Variants in KCNQ3 observed in about 807,000 individuals in gnomAD.
The protein encoded by KCNQ3 is potassium voltage-gated channel subfamily KQT member 3.
Under a neutral mutation model 92.5 loss-of-function variants are expected in KCNQ3, and 30 were observed. The observed-to-expected ratio is 0.32, with a 90% CI of 0.24 to 0.44. The LOEUF is 0.44. Among genes scored for constraint, KCNQ3 ranks in the 20% least tolerant of loss-of-function variants. The pLI, the probability that KCNQ3 is intolerant of heterozygous loss-of-function variation, is 1.00. For synonymous variants in KCNQ3, 450 were observed against 468.8 expected (o/e 0.96, Z 0.52); for missense variants, 913 against 1,140.3 (o/e 0.80, Z 2.87).
In KCNQ3 at chr8:132,219,890, CTT is replaced by C. The variant is rs1246654647; in HGVS notation, c.387-33711_387-33710del. Among the ~76,000 whole-genome samples the C allele has an allele frequency of 4.2e-3, 646 of 152,268 alleles. 3 individuals carry two copies. Among genetic ancestry groups the C allele is most frequent in the African/African-American group, 0.013 (557 of 41,560 alleles). Reference sequence around the variant, plus strand: ...TCCATCTGATCAATATACTCCATGTCTTCCATTTTACAGATGAGAAAAATGAG... The same window carrying C: ...TCCATCTGATCAATATACTCCATGTCCCATTTTACAGATGAGAAAAATGAG... On this transcript the variant is annotated intron_variant, in intron 1 of 14. Coordinates refer to ENST00000388996, the MANE Select transcript of KCNQ3 (RefSeq NM_004519.4).
intron 12 of KCNQ3, 71 bp from the exon 13 acceptor site, chr8:132,134,459 A>AGAGAGAATAGAATGAT: frequency 1.8e-6 from 2 of 1,097,698 alleles, no homozygotes; most frequent in Non-Finnish European, 2.8e-6. Flanking sequence ...AAATCATTCT[A>AGAGAGAATAGAATGAT]TTCTCTCTAG....
intron 1 of KCNQ3, among the ~76,000 whole-genome samples, chr8:132,476,737 ACT>A (rs1171450319): frequency 6.6e-6 from 1 of 152,184 alleles, no homozygotes; most frequent in African/African-American, 2.4e-5. Context: ...GAGACTTTGG[ACT>A]TAGACTTTTG....
intron 1 of KCNQ3, among the ~76,000 whole-genome samples, chr8:132,338,687 G>A (rs986876317): frequency 6.6e-6 from 1 of 152,298 alleles, no homozygotes. Context: ...TGTGCTCTCA[G>A]GAACACACCG....
chr8:132,178,702 G>A (rs909887610), intron 4 of KCNQ3, among the ~76,000 whole-genome samples: 3 of 151,958 alleles, frequency 2.0e-5, no homozygotes, highest in East Asian at 1.9e-4. Context: ...CCCCTTCAAC[G>A]TATCTAGGTG....
In KCNQ3 at chr8:132,480,642, C is replaced by A; in HGVS notation, c.-110G>T. On this transcript the variant is annotated 5_prime_UTR_variant, in exon 1 of 15. Transcript: ENST00000388996. Reference sequence around the variant, plus strand: ...GCGGCGGCTGCAAGCCCGGGAACTCCAATGCCATGATCCGCGCGCCCCTCC... The same window carrying A: ...GCGGCGGCTGCAAGCCCGGGAACTCAAATGCCATGATCCGCGCGCCCCTCC... 8.9e-7 allele frequency: 1 copy of A among 1,123,680 alleles called. No homozygotes were observed. Among genetic ancestry groups the A allele is most frequent in the Non-Finnish European group, 1.1e-6 (1 of 895,230 alleles). The allele number at this position is 1,123,680 out of a possible 1,614,324, so 69.6% of individuals were successfully genotyped here.
At chr8:132,272,230 T>A (rs1816172131) in intron 1 of KCNQ3, among the ~76,000 whole-genome samples, 1 of 152,210 alleles carries the variant, frequency 6.6e-6, no homozygotes, top group Non-Finnish European at 1.5e-5. Flanking sequence ...AATGTGATAG[T>A]TCTCAGACCT....
Position 132,227,600 on chromosome 8 carries a change from C to A in KCNQ3, c.387-41419G>T, listed in dbSNP as rs908438153. Among the ~76,000 whole-genome samples, 4 of 152,160 alleles carry A rather than the reference C, an allele frequency of 2.6e-5. 1 individual carries two copies. The highest frequency in any genetic ancestry group is 2.0e-4 in the Admixed American group (3 of 15,276). ...GTTTGTGTTATTTTGTTATGACAGC[C>A]CTAGCAAACTAATACAGAGGGCCTC... On this transcript the variant is annotated intron_variant, in intron 1 of 14. Transcript: ENST00000388996.
At chr8:132,164,701 A>C (rs1826091987) in intron 8 of KCNQ3, among the ~76,000 whole-genome samples, 1 of 152,120 alleles carries the variant, frequency 6.6e-6, no homozygotes, top group African/African-American at 2.4e-5. Flanking sequence ...TAGTAAGGGG[A>C]AGGAAAGGGC....
chr8:132,410,236 A>G (rs1820613151), intron 1 of KCNQ3, among the ~76,000 whole-genome samples: 4 of 152,244 alleles, frequency 2.6e-5, no homozygotes, highest in Admixed American at 2.6e-4. Flanking sequence ...TTGTTTTTTG[A>G]TAACACCACT....
intron 1 of KCNQ3, among the ~76,000 whole-genome samples, chr8:132,240,896 T>TC (rs1306760714): frequency 6.6e-6 from 1 of 151,710 alleles, no homozygotes; most frequent in East Asian, 1.9e-4. Context: ...ACAATTTTTT[T>TC]TTTTCTTTTT....
In KCNQ3 at chr8:132,133,354, C is replaced by CTTTTTTTTTTTTTTTT. The variant is rs10673519; in HGVS notation, c.1799+920_1799+935dup. 2.9e-5 allele frequency among the ~76,000 whole-genome samples: 3 copies of CTTTTTTTTTTTTTTTT among 103,478 alleles called. 1 individual carries two copies. The highest frequency in any genetic ancestry group is 3.7e-5 in the African/African-American group (1 of 26,846). 67.9% of individuals were successfully genotyped at this position (103,478 alleles called of 152,430 possible). On this transcript the variant is annotated intron_variant, in intron 13 of 14. Transcript: ENST00000388996. ...TATCATCACGTTAATGCTCTCGATT[C>CTTTTTTTTTTTTTTTT]TTTTTTTTTTTTTTTTTTTTGAGAT...
intron 1 of KCNQ3, among the ~76,000 whole-genome samples, chr8:132,451,177 T>C (rs1273659068): frequency 1.3e-5 from 2 of 152,178 alleles, no homozygotes; most frequent in Non-Finnish European, 2.9e-5. Flanking sequence ...TGTGACAATT[T>C]TATAAAGGGG....
chr8:132,298,946 T>C (rs1393995387), intron 1 of KCNQ3, among the ~76,000 whole-genome samples: 1 of 152,054 alleles, frequency 6.6e-6, no homozygotes, highest in Non-Finnish European at 1.5e-5. Context: ...TAAAAAAAAT[T>C]ACTCACTTTT....
intron 1 of KCNQ3, among the ~76,000 whole-genome samples, chr8:132,362,125 G>T (rs763288419): frequency 6.6e-6 from 1 of 151,716 alleles, no homozygotes; most frequent in Non-Finnish European, 1.5e-5. Flanking sequence ...TATTCTTTCT[G>T]CATGTGGCTT....
chr8:132,291,045 G>A (rs1160924128), intron 1 of KCNQ3, among the ~76,000 whole-genome samples: 1 of 152,172 alleles, frequency 6.6e-6, no homozygotes, highest in African/African-American at 2.4e-5. Flanking sequence ...AATTGCGACT[G>A]GAAACTGTCC....
intron 1 of KCNQ3, among the ~76,000 whole-genome samples, chr8:132,203,413 A>T (rs1251665022): frequency 6.6e-6 from 1 of 152,220 alleles, no homozygotes; most frequent in Non-Finnish European, 1.5e-5. Context: ...AACCAGTCTC[A>T]GCAAACGACT....
intron 1 of KCNQ3, among the ~76,000 whole-genome samples, chr8:132,378,436 A>G (rs556659796): frequency 6.6e-6 from 1 of 152,266 alleles, no homozygotes; most frequent in Non-Finnish European, 1.5e-5. Flanking sequence ...AAAAGGAGGT[A>G]AATATAATTT....
At chr8:132,354,927 C>T (rs937899578) in intron 1 of KCNQ3, among the ~76,000 whole-genome samples, 2 of 152,180 alleles carry the variant, frequency 1.3e-5, no homozygotes, top group African/African-American at 4.8e-5. Flanking sequence ...ATGGGTTCAA[C>T]ATCCCAGCAG....
intron 1 of KCNQ3, among the ~76,000 whole-genome samples, chr8:132,247,132 T>C (rs894860074): frequency 6.6e-6 from 1 of 152,216 alleles, no homozygotes; most frequent in Non-Finnish European, 1.5e-5. Flanking sequence ...TTATATTGCC[T>C]TGTTGTCATC....
Sources: allele counts gnomAD v4.1 joint callset (sites outside exome capture counted in the v4.1 genomes callset), GRCh38; gene constraint gnomAD v4.1.1; transcripts MANE v1.5; gene names NCBI Gene and HGNC (gene_info 2026-07-23, HGNC 2026-07-21).